The following TVP23A variants were observed in gnomAD, a reference collection of about 807,000 sequenced individuals.
TVP23A encodes the protein trans-golgi network vesicle protein 23 homolog A.
A neutral mutation model predicts 31.7 loss-of-function variants in TVP23A; 21 were observed. That is an observed-to-expected ratio of 0.66 (90% confidence interval 0.47 to 0.95). The LOEUF is 0.95. Among genes scored for constraint, TVP23A ranks in the 40% least tolerant of loss-of-function variants. The pLI is 0.00. For missense variants in TVP23A, 279 were observed against 255.6 expected (o/e 1.09, Z -0.62); for synonymous variants, 104 against 96.0 (o/e 1.08, Z -0.49).
chr16:10,762,833 C>A (rs1567264020), downstream of TVP23A, among the ~76,000 whole-genome samples: 1 of 147,838 alleles, frequency 6.8e-6, no homozygotes, highest in African/African-American at 2.4e-5. Context: ...AGGGCGGGGC[C>A]CGTGGAGAGC....
At chr16:10,766,104 A>C (rs1421881977), downstream of TVP23A, 2 of 152,388 alleles carry the variant, frequency 1.3e-5, no homozygotes, top group Non-Finnish European at 2.9e-5. This position sits in a 1 kb window ranked among gnomAD's most constrained non-coding sequence, Gnocchi z 4.8. Flanking sequence ...ATGGTGGCAA[A>C]GAGTTACAGA....
At chr16:10,815,456 T>C (rs11640815) in intron 2 of TVP23A, among the ~76,000 whole-genome samples, 16,407 of 152,042 alleles carry the variant, frequency 0.11, 1,933 homozygotes, top group African/African-American at 0.28. Context: ...TGAGTTGTAA[T>C]AGCCACTGGT....
At chr16:10,792,110 G>A (rs13331226) in intron 2 of TVP23A, among the ~76,000 whole-genome samples, 6,176 of 152,282 alleles carry the variant, frequency 0.041, 401 homozygotes, top group African/African-American at 0.14. Flanking sequence ...AATCTGCTGT[G>A]GTCCACCTCC....
At chr16:10,758,927 T>C (rs369519632), downstream of TVP23A, among the ~76,000 whole-genome samples, 31 of 152,296 alleles carry the variant, frequency 2.0e-4, no homozygotes, top group Middle Eastern at 3.4e-3. Context: ...TCTCTGTAAG[T>C]CCTGCAGAGA....
At chr16:10,792,510 GTCTC>G (rs1437115802) in intron 2 of TVP23A, among the ~76,000 whole-genome samples, 1 of 152,152 alleles carries the variant, frequency 6.6e-6, no homozygotes, top group Non-Finnish European at 1.5e-5. Context: ...ACTTTAACGA[GTCTC>G]CCGAGTGATT....
chr16:10,812,395 TC>T (rs1352911094), intron 2 of TVP23A, among the ~76,000 whole-genome samples: 2 of 152,172 alleles, frequency 1.3e-5, no homozygotes. Flanking sequence ...GATCCAGCAA[TC>T]CCACTTGTGG....
intron 2 of TVP23A, among the ~76,000 whole-genome samples, chr16:10,780,133 T>C (rs1263319622): frequency 2.0e-5 from 3 of 151,558 alleles, no homozygotes; most frequent in Admixed American, 6.6e-5. Context: ...ATGAATAAAA[T>C]AAAATAAAGA....
chr16:10,786,920 G>A (rs1244628009), intron 2 of TVP23A, among the ~76,000 whole-genome samples: 4 of 151,380 alleles, frequency 2.6e-5, no homozygotes, highest in African/African-American at 9.7e-5. Context: ...TACCTAGATG[G>A]CCCAGCTGTG....
downstream of TVP23A, chr16:10,761,805 T>C (rs1220739824): frequency 6.2e-7 from 1 of 1,614,138 alleles, no homozygotes; most frequent in South Asian, 1.1e-5. Context: ...GGAGCTCATG[T>C]GCCAGGACTT....
At chr16:10,808,335 C>A (rs79429550) in intron 2 of TVP23A, among the ~76,000 whole-genome samples, 13 of 152,096 alleles carry the variant, frequency 8.5e-5, no homozygotes, top group Non-Finnish European at 1.8e-4. Context: ...TCTTGAAAGA[C>A]AAAAGTTACT....
intron 2 of TVP23A, among the ~76,000 whole-genome samples, chr16:10,789,174 C>T (rs2032949002): frequency 6.6e-6 from 1 of 152,120 alleles, no homozygotes; most frequent in Admixed American, 6.5e-5. Flanking sequence ...TGGTAGCCAG[C>T]TTCAGAGAGA....
intron 2 of TVP23A, among the ~76,000 whole-genome samples, chr16:10,790,020 A>C (rs907687652): frequency 6.6e-6 from 1 of 152,160 alleles, no homozygotes; most frequent in Non-Finnish European, 1.5e-5. Context: ...GTTCAGGTGA[A>C]GATAAAAGAT....
chr16:10,782,780 A>C (rs2032503995), intron 2 of TVP23A, among the ~76,000 whole-genome samples: 1 of 152,294 alleles, frequency 6.6e-6, no homozygotes, highest in African/African-American at 2.4e-5. Context: ...CTACAATTAC[A>C]GGTGTGAGCC....
chr16:10,761,664 C>CTTT (rs36097495), intron 8 of TVP23A: 7 of 914,750 alleles, frequency 7.7e-6, no homozygotes, highest in South Asian at 3.7e-5. Flanking sequence ...CAAACTAAGC[C>CTTT]TTTTTTTTTT....
chr16:10,799,274 G>C (rs1358796766), intron 2 of TVP23A, among the ~76,000 whole-genome samples: 1 of 152,214 alleles, frequency 6.6e-6, no homozygotes, highest in Non-Finnish European at 1.5e-5. Context: ...TGCTAAGTTG[G>C]GGGAAATCTG....
At chr16:10,815,831 C>T (rs994665924) in intron 2 of TVP23A, among the ~76,000 whole-genome samples, 14 of 152,186 alleles carry the variant, frequency 9.2e-5, no homozygotes, top group Non-Finnish European at 1.2e-4. Context: ...AGATTCTTTA[C>T]CCAGGATTCC....
At chr16:10,811,826 C>T (rs1039397124) in intron 2 of TVP23A, among the ~76,000 whole-genome samples, 24 of 150,292 alleles carry the variant, frequency 1.6e-4, no homozygotes, top group African/African-American at 5.9e-4. Flanking sequence ...ATGGCGTGAA[C>T]CCGGGAAGTG....
At chr16:10,798,118 G>C (rs1483871739) in intron 2 of TVP23A, among the ~76,000 whole-genome samples, 1 of 151,470 alleles carries the variant, frequency 6.6e-6, no homozygotes, top group African/African-American at 2.4e-5. Context: ...ACCACGCCCA[G>C]CTAATTTTTT....
At chr16:10,802,409 A>G (rs1216431861) in intron 2 of TVP23A, among the ~76,000 whole-genome samples, 1 of 151,838 alleles carries the variant, frequency 6.6e-6, no homozygotes, top group Non-Finnish European at 1.5e-5. Flanking sequence ...CCTCCAGGGT[A>G]GCTGGGATTA....
Sources: gnomAD v4.1 joint callset for allele counts (sites outside exome capture counted in the v4.1 genomes callset) on GRCh38, gnomAD v4.1.1 for gene constraint, Gnocchi (gnomAD v3.1) non-coding constraint, MANE v1.5 for transcripts, NCBI Gene and HGNC (gene_info 2026-07-23, HGNC 2026-07-21) for gene names.